Variants in FNDC5 observed in about 807,000 individuals in gnomAD.
The protein encoded by FNDC5 is fibronectin type III domain containing 5.
A neutral mutation model predicts 24.6 loss-of-function variants in FNDC5; 10 were observed. That is an observed-to-expected ratio of 0.41 (90% confidence interval 0.25 to 0.69). The LOEUF is 0.69. Among genes scored for constraint, FNDC5 ranks in the 30% least tolerant of loss-of-function variants. The pLI is 0.34. For synonymous variants in FNDC5, 90 were observed against 110.7 expected (o/e 0.81, Z 1.18); for missense variants, 226 against 282.9 (o/e 0.80, Z 1.44).
chr1:32,870,257 T>C (rs1641154010), intron 1 of FNDC5, among the ~76,000 whole-genome samples: 2 of 152,134 alleles, frequency 1.3e-5, no homozygotes, highest in African/African-American at 4.8e-5. Context: ...GGACCCCATC[T>C]GCCCCTGCAG....
At chr1:32,867,692 G>T in intron 4 of FNDC5, 61 bp downstream of exon 4, 1 of 1,525,210 alleles carries the variant, frequency 6.6e-7, no homozygotes, top group Non-Finnish European at 9.1e-7. Context: ...GAAGGGGCTG[G>T]TCAGAGTCCT....
At chr1:32,870,282 G>T (rs898421173) in intron 1 of FNDC5, among the ~76,000 whole-genome samples, 3 of 152,190 alleles carry the variant, frequency 2.0e-5, no homozygotes, top group Non-Finnish European at 2.9e-5. Flanking sequence ...GGCTTGCAGG[G>T]CTTTGAGAGG....
Position 32,870,810 on chromosome 1 carries a change from C to T in FNDC5, c.-64G>A. The T allele has an allele frequency of 1.4e-6, 1 of 699,590 alleles. No homozygotes were observed. The highest frequency in any genetic ancestry group is 1.7e-6 in the Non-Finnish European group (1 of 573,700). The allele number at this position is 699,590 out of a possible 1,614,324, so 43.3% of individuals were successfully genotyped here. Reference sequence around the variant, plus strand: ...GGGACGCGGCTCCGGCGCCCGGCGGCCGCTCGCGCTCGCGCTCCGGCCCCC... The same window carrying T: ...GGGACGCGGCTCCGGCGCCCGGCGGTCGCTCGCGCTCGCGCTCCGGCCCCC... On this transcript the variant is annotated 5_prime_UTR_variant, in exon 1 of 6. Transcript: ENST00000373471.
In FNDC5 at chr1:32,864,242, A is replaced by C. The variant is rs371600008; in HGVS notation, c.*52T>G. On this transcript the variant is annotated 3_prime_UTR_variant, in exon 6 of 6. Transcript: ENST00000373471. ...CATCAGAACCATGAGATCCTCTCAC[A>C]TTCTCTACTGTCTGTCTTCTTAGCT... The C allele has an allele frequency of 2.5e-5, 40 of 1,614,084 alleles. No homozygotes were observed. Among genetic ancestry groups the C allele is most frequent in the Non-Finnish European group, 3.1e-5 (37 of 1,180,036 alleles).
Position 32,868,241 on chromosome 1 carries a change from C to A in FNDC5, c.358G>T (p.Val120Leu). 6.2e-7 allele frequency: 1 copy of A among 1,614,192 alleles called. No homozygotes were observed. Among genetic ancestry groups the A allele is most frequent in the African/African-American group, 1.3e-5 (1 of 75,058 alleles). Residue 120 changes from valine to leucine, a missense_variant, in exon 3 of 6, where the codon GTG becomes TTG. Val to Leu is a conservative substitution (Grantham distance 32, BLOSUM62 1). Transcript: ENST00000373471. The surrounding 1 kb of genome is among the most constrained non-coding windows in gnomAD (Gnocchi z 4.8). Reference sequence around the variant, plus strand: ...GCCTCACGCGGGGTCTTGAAGAGCACAGGCTCGCTGGCTGGGCTCTGGCCC... The same window carrying A: ...GCCTCACGCGGGGTCTTGAAGAGCAAAGGCTCGCTGGCTGGGCTCTGGCCC...
intron 1 of FNDC5, 70 bp downstream of exon 1, chr1:32,870,583 G>A: frequency 1.0e-6 from 1 of 983,694 alleles, no homozygotes; most frequent in Non-Finnish European, 1.3e-6. Context: ...AAAGGACCAG[G>A]GGACTCCCAG....
At chr1:32,866,776 C>CTT (rs1641079292) in intron 4 of FNDC5, among the ~76,000 whole-genome samples, 1 of 152,286 alleles carries the variant, frequency 6.6e-6, no homozygotes, top group Admixed American at 6.5e-5. Flanking sequence ...CCAGATAGTT[C>CTT]TTTGCAAGCA....
Position 32,863,421 on chromosome 1 carries a change from A to T in FNDC5, c.*873T>A. On this transcript the variant is annotated 3_prime_UTR_variant, in exon 6 of 6. Coordinates refer to ENST00000373471, the MANE Select transcript of FNDC5 (RefSeq NM_153756.3). ...GCTTGAGTCAGTCCTTGTGCTTGTCATCTCCCAGGGCTTTGTGCATTTTCT... is the reference window on the plus strand; with the variant it reads ...GCTTGAGTCAGTCCTTGTGCTTGTCTTCTCCCAGGGCTTTGTGCATTTTCT... The T allele has an allele frequency of 3.8e-6, 1 of 265,792 alleles. No homozygotes were observed. The highest frequency in any genetic ancestry group is 4.4e-5 in the South Asian group (1 of 22,956). 16.5% of individuals were successfully genotyped at this position (265,792 alleles called of 1,614,324 possible).
At chr1:32,872,094 C>T (rs1306307119), upstream of FNDC5, among the ~76,000 whole-genome samples, 1 of 152,212 alleles carries the variant, frequency 6.6e-6, no homozygotes, top group South Asian at 2.1e-4. Flanking sequence ...CAGGGTCTTC[C>T]TCTCCATCCC....
At position 32,868,444 on chromosome 1, in the gene FNDC5, C is replaced by T; in HGVS notation, c.211-56G>A. 6.4e-7 allele frequency: 1 copy of T among 1,557,682 alleles called. No individual in the cohort carries two copies. Among genetic ancestry groups the T allele is most frequent in the Non-Finnish European group, 8.7e-7 (1 of 1,145,088 alleles). On this transcript the variant is annotated intron_variant, in intron 2 of 5. Transcript: ENST00000373471. The surrounding 1 kb of genome is among the most constrained non-coding windows in gnomAD (Gnocchi z 4.8). The stretch of plus-strand genomic sequence containing the variant: ...CACTCGGTGACCAGCCCCGCTCCTG[C>T]CCACCTCCCAGTGGTGACAAAGCCT...
Position 32,867,849 on chromosome 1 carries a change from GGAGA to G in FNDC5, c.410-11_410-8del, listed in dbSNP as rs370217730. 1 of 1,613,536 alleles carries G rather than the reference GGAGA, an allele frequency of 6.2e-7. No individual in the cohort carries two copies. Among genetic ancestry groups the G allele is most frequent in the African/African-American group, 1.3e-5 (1 of 74,850 alleles). ...TCTTTCATGGTTACCTCATCTGCAG[GGAGA>G]GAGACACTAGATCCAGCACTCCTTT... On this transcript the variant is annotated splice_polypyrimidine_tract_variant and splice_region_variant and intron_variant, in intron 3 of 5. Coordinates refer to ENST00000373471, the MANE Select transcript of FNDC5 (RefSeq NM_153756.3).
At position 32,864,092 on chromosome 1, in the gene FNDC5, T is replaced by C. The variant is rs1641021929; in HGVS notation, c.*202A>G. 2.7e-6 allele frequency: 4 copies of C among 1,494,660 alleles called. No homozygotes were observed. The Admixed American group carries it at 8.6e-5, about 32-fold the overall frequency. The allele number at this position is 1,494,660 out of a possible 1,614,324, so 92.6% of individuals were successfully genotyped here. A position where few individuals can be genotyped will look rare whatever the true frequency, so the allele number is the denominator to read the frequency against. On this transcript the variant is annotated 3_prime_UTR_variant, in exon 6 of 6. Transcript: ENST00000373471. The stretch of plus-strand genomic sequence containing the variant: ...TCAGCCACTGACATTGTTGAGGTGC[T>C]TCTGGAGATGGGAGTTAATAAGAGG...
At chr1:32,864,837 G>A (rs1414938514) in intron 4 of FNDC5, 40 bp from the exon 5 acceptor site, 2 of 1,609,888 alleles carry the variant, frequency 1.2e-6, no homozygotes, top group Non-Finnish European at 1.7e-6. Context: ...CCAGAGCCTG[G>A]GTTCCTGCCT....
rs1345044416 is a variant in FNDC5 at position 32,867,685 on chromosome 1, G to T, written c.499+68C>A. The T allele has an allele frequency of 9.6e-5, 141 of 1,472,362 alleles. No individual in the cohort carries two copies. In the South Asian group the frequency reaches 1.6e-3, roughly 17 times the overall value. 91.2% of individuals were successfully genotyped at this position (1,472,362 alleles called of 1,614,324 possible). On this transcript the variant is annotated intron_variant, in intron 4 of 5. Transcript: ENST00000373471. ...CCTTACCCTTTTTTTCATGAGAGAAGGGGCTGGTCAGAGTCCTCCATTTCC... is the reference window on the plus strand; with the variant it reads ...CCTTACCCTTTTTTTCATGAGAGAATGGGCTGGTCAGAGTCCTCCATTTCC...
chr1:32,864,562 G>C, intron 5 of FNDC5, 102 bp downstream of exon 5: 2 of 1,577,476 alleles, frequency 1.3e-6, no homozygotes, highest in Non-Finnish European at 1.7e-6. Flanking sequence ...GCTCTGCCCA[G>C]CTGTCGCCAT....
Position 32,864,679 on chromosome 1 carries a change from C to T in FNDC5, c.618G>A (p.Gly206=), listed in dbSNP as rs1164445439. ...TTGCCCTCACCTTGCTGCGGAGAAGCCCCCCGCCCTGGTGCTCTGGTGTGC... is the reference window on the plus strand; with the variant it reads ...TTGCCCTCACCTTGCTGCGGAGAAGTCCCCCGCCCTGGTGCTCTGGTGTGC... The change falls in exon 5 of 6, where the codon GGG becomes GGA. Residue 206 remains glycine (G), a synonymous_variant. Coordinates refer to ENST00000373471, the MANE Select transcript of FNDC5 (RefSeq NM_153756.3). 1 of 1,614,068 alleles carries T rather than the reference C, an allele frequency of 6.2e-7. No homozygotes were observed. The highest frequency in any genetic ancestry group is 8.5e-7 in the Non-Finnish European group (1 of 1,180,042).
chr1:32,867,800 C>T lies in FNDC5; in HGVS notation c.452G>A (p.Arg151Gln), dbSNP rs137888693. 621 of 1,613,914 alleles carry T rather than the reference C, an allele frequency of 3.8e-4. No individual in the cohort carries two copies. Among genetic ancestry groups the T allele is most frequent in the Admixed American group, 1.2e-3 (69 of 59,994 alleles). ...GACGATGATCAGCACCTCGCCTGTC[C>T]GCAGCTGTTGGTTCCTCCCCATCTC... is the stretch of plus-strand genomic sequence containing the variant. Residue 151 changes from arginine to glutamine, a missense_variant, in exon 4 of 6, where the codon CGG becomes CAG. Arg to Gln is a conservative substitution (Grantham distance 43, BLOSUM62 1). Coordinates refer to ENST00000373471, the MANE Select transcript of FNDC5 (RefSeq NM_153756.3).
intron 5 of FNDC5, 108 bp from the exon 6 acceptor site, chr1:32,864,407 C>G (rs890552609): frequency 7.8e-6 from 12 of 1,532,814 alleles, no homozygotes; most frequent in Non-Finnish European, 1.1e-5. Flanking sequence ...TATTGTCCCG[C>G]GCCAACCAAG....
upstream of FNDC5, among the ~76,000 whole-genome samples, chr1:32,871,966 G>A (rs1641191934): frequency 6.6e-6 from 1 of 152,168 alleles, no homozygotes; most frequent in South Asian, 2.1e-4. Context: ...ACGACTATCC[G>A]AAATTCCACT....
Sources: allele counts gnomAD v4.1 joint callset (sites outside exome capture counted in the v4.1 genomes callset), GRCh38; gene constraint gnomAD v4.1.1; non-coding constraint Gnocchi (gnomAD v3.1); transcripts MANE v1.5; gene names NCBI Gene and HGNC (gene_info 2026-07-23, HGNC 2026-07-21).